OR1I1: variants seen among roughly 807,000 people sequenced by gnomAD.
OR1I1 encodes olfactory receptor 1I1.
For missense variants in OR1I1, 451 were observed against 443.6 expected (o/e 1.02, Z -0.15); for synonymous variants, 171 against 181.4 (o/e 0.94, Z 0.46).
Position 15,087,994 on chromosome 19 carries a change from TC to T in OR1I1, c.933del (p.Cys312ValfsTer37). 3 of 1,614,126 alleles carry T rather than the reference TC, an allele frequency of 1.9e-6. No individual in the cohort carries two copies. The highest frequency in any genetic ancestry group is 2.5e-6 in the Non-Finnish European group (3 of 1,180,002). On this transcript the variant is annotated frameshift_variant, in exon 2 of 2. Coordinates refer to ENST00000641398, the MANE Select transcript of OR1I1 (RefSeq NM_001004713.2). LOFTEE classifies it low-confidence loss of function (END_TRUNC). ...GGGAAGCTCATCGGCAAAGTGGCCG[TC>T]CCCTGTCCTAGGCCAGAACAGTTAT... ...ALGKLIGKVA[V>X]PCPRPEQLLD...
rs117555869 is a variant in OR1I1, at chr19:15,083,244, T to A, written c.-14+968T>A. ...AAGCATGCCACCATGCCCAGCAGAT[T>A]GTTTTATTTTTTGTAGATCCAGGGC... On this transcript the variant is annotated intron_variant, in intron 1 of 1. Transcript: ENST00000641398. 9.5e-4 allele frequency among the ~76,000 whole-genome samples: 144 copies of A among 152,008 alleles called. 5 individuals carry two copies. The East Asian group carries it at 0.023, about 24-fold the overall frequency.
At position 15,092,841 on chromosome 19, in the gene OR1I1, A is replaced by T. The variant is rs1240324109; in HGVS notation, c.*4708A>T. ...TGAGACCTCCCCCATCTCTACAAAA[A>T]TTTTTTAATTAGCTGGGCATGGTGG... On this transcript the variant is annotated 3_prime_UTR_variant, in exon 2 of 2. Coordinates refer to ENST00000641398, the MANE Select transcript of OR1I1 (RefSeq NM_001004713.2). 5 of 151,916 alleles carry T rather than the reference A, an allele frequency of 3.3e-5. No individual in the cohort carries two copies. The highest frequency in any genetic ancestry group is 1.2e-4 in the African/African-American group (5 of 41,356). The allele number at this position is 151,916 out of a possible 1,614,324, so 9.4% of individuals were successfully genotyped here. A position where few individuals can be genotyped will look rare whatever the true frequency, so the allele number is the denominator to read the frequency against.
rs2046263058 is a variant in OR1I1, at chr19:15,092,969, A to T, written c.*4836A>T. 1 of 152,220 alleles carries T rather than the reference A, an allele frequency of 6.6e-6. No individual in the cohort carries two copies. The allele number at this position is 152,220 out of a possible 1,614,324, so 9.4% of individuals were successfully genotyped here. A position where few individuals can be genotyped will look rare whatever the true frequency, so the allele number is the denominator to read the frequency against. ...AGCTATGATTGCACCACCGCACTCC[A>T]GCCTGGGGGATAGAGTAAGACCACT... On this transcript the variant is annotated 3_prime_UTR_variant, in exon 2 of 2. Coordinates refer to ENST00000641398, the MANE Select transcript of OR1I1 (RefSeq NM_001004713.2).
chr19:15,087,608 C>G lies in OR1I1; in HGVS notation c.543C>G (p.Leu181=). Residue 181 remains leucine, a synonymous_variant, in exon 2 of 2, where the codon CTC becomes CTG. Transcript: ENST00000641398. ...GSEISHFFCD[L]MPLLKLSGSD... is the part of the protein sequence containing the mutation. ...AAATCTCCCACTTCTTCTGTGACCTCATGCCCCTGCTGAAGCTCTCCGGCT... is the reference window on the plus strand; with the variant it reads ...AAATCTCCCACTTCTTCTGTGACCTGATGCCCCTGCTGAAGCTCTCCGGCT... 1 of 1,614,100 alleles carries G rather than the reference C, an allele frequency of 6.2e-7. No individual in the cohort carries two copies. Among genetic ancestry groups the G allele is most frequent in the Non-Finnish European group, 8.5e-7 (1 of 1,180,042 alleles).
intron 1 of OR1I1, among the ~76,000 whole-genome samples, chr19:15,083,167 C>T (rs1009252691): frequency 6.6e-6 from 1 of 152,080 alleles, no homozygotes; most frequent in Non-Finnish European, 1.5e-5. Context: ...TCTCTAACTC[C>T]TGGACTCAAG....
intron 1 of OR1I1, among the ~76,000 whole-genome samples, chr19:15,085,460 C>A (rs1436554646): frequency 6.6e-6 from 1 of 151,794 alleles, no homozygotes; most frequent in African/African-American, 2.4e-5. Context: ...GAATGAGCCA[C>A]CACGCCAGGT....
Position 15,087,452 on chromosome 19 carries a change from A to G in OR1I1, c.387A>G (p.Pro129=), listed in dbSNP as rs8105277. 1,613,799 of 1,614,158 alleles carry G rather than the reference A, an allele frequency of 1. 806,720 individuals are homozygous for G. Among genetic ancestry groups the G allele is most frequent in the Middle Eastern group, 1 (6,062 of 6,062 alleles). The change falls in exon 2 of 2, where the codon CCA becomes CCG. Residue 129 remains proline (P), a synonymous_variant. Coordinates refer to ENST00000641398, the MANE Select transcript of OR1I1 (RefSeq NM_001004713.2). ...ACCGCTTCGTGGCCATTGTCCACCC[A>G]CAGCGTTACTTGGTTCTCATGTGCT... The part of the protein sequence containing the change: ...AIDRFVAIVH[P]QRYLVLMCSP...
rs756088113 is a variant in OR1I1 at position 15,087,830 on chromosome 19, C to G, written c.765C>G (p.Ile255Met). 6.2e-6 allele frequency: 10 copies of G among 1,614,204 alleles called. No homozygotes were observed. In the South Asian group the frequency reaches 9.9e-5, roughly 16 times the overall value. Reference protein sequence around the residue: ...LTVVSLSYGTIFAVYLQPTSP... With the variant: ...LTVVSLSYGTMFAVYLQPTSP... The stretch of plus-strand genomic sequence containing the variant: ...TGGTGTCACTGTCCTATGGGACCAT[C>G]TTTGCTGTGTACTTACAGCCCACAT... The change falls in exon 2 of 2, where the codon ATC becomes ATG. Residue 255 changes from isoleucine to methionine, a missense_variant. Ile to Met is a conservative substitution (Grantham distance 10, BLOSUM62 1). Coordinates refer to ENST00000641398, the MANE Select transcript of OR1I1 (RefSeq NM_001004713.2).
chr19:15,086,614 T>C, intron 1 of OR1I1, among the ~76,000 whole-genome samples: 1 of 151,782 alleles, frequency 6.6e-6, no homozygotes, highest in East Asian at 2.0e-4. Flanking sequence ...CCACCACGCC[T>C]GATTAATTTT....
rs934906364 is a variant in OR1I1 at position 15,089,994 on chromosome 19, G to A, written c.*1861G>A. The A allele has an allele frequency of 2.6e-5, 4 of 152,036 alleles. No homozygotes were observed. Among genetic ancestry groups the A allele is most frequent in the African/African-American group, 9.7e-5 (4 of 41,388 alleles). The allele number at this position is 152,036 out of a possible 1,614,324, so 9.4% of individuals were successfully genotyped here. ...AATCTGATACGACTGGCGTCCTTAT[G>A]AAAAGGGGAGATTTGGACACAGGCA... On this transcript the variant is annotated 3_prime_UTR_variant, in exon 2 of 2. Coordinates refer to ENST00000641398, the MANE Select transcript of OR1I1 (RefSeq NM_001004713.2).
In OR1I1 at chr19:15,088,049, G is replaced by A; in HGVS notation, c.984G>A (p.Leu328=). The A allele has an allele frequency of 6.2e-7, 1 of 1,607,398 alleles. No individual in the cohort carries two copies. The highest frequency in any genetic ancestry group is 2.2e-5 in the East Asian group (1 of 44,780). ...LLDVYHVPGS[L]LAARDTEMHP... is the part of the protein sequence containing the mutation. Reference sequence around the variant, plus strand: ...ATGTTTATCATGTTCCAGGATCACTGTTGGCTGCTAGGGACACAGAGATGC... The same window carrying A: ...ATGTTTATCATGTTCCAGGATCACTATTGGCTGCTAGGGACACAGAGATGC... Residue 328 remains leucine (L), a synonymous_variant, in exon 2 of 2, where the codon CTG becomes CTA. Coordinates refer to ENST00000641398, the MANE Select transcript of OR1I1 (RefSeq NM_001004713.2).
chr19:15,087,398 C>T lies in OR1I1; in HGVS notation c.333C>T (p.Asp111=). The change falls in exon 2 of 2, where the codon GAC becomes GAT. Residue 111 remains aspartate, a synonymous_variant. Coordinates refer to ENST00000641398, the MANE Select transcript of OR1I1 (RefSeq NM_001004713.2). ...CCTTCCACCTGTTCGGGACCATGGA[C>T]AGCTTTCTCCTGGCAGTAATGGCCA... ...MYAFHLFGTM[D]SFLLAVMAID... The T allele has an allele frequency of 6.2e-7, 1 of 1,614,214 alleles. No homozygotes were observed. The highest frequency in any genetic ancestry group is 8.5e-7 in the Non-Finnish European group (1 of 1,180,050).
chr19:15,084,558 A>T (rs1054084726), intron 1 of OR1I1, among the ~76,000 whole-genome samples: 14 of 152,040 alleles, frequency 9.2e-5, no homozygotes, highest in Non-Finnish European at 1.9e-4. Context: ...ACTCCATCTC[A>T]AAAAAGAAAA....
At chr19:15,083,527 AT>A (rs1461546469) in intron 1 of OR1I1, among the ~76,000 whole-genome samples, 5 of 152,234 alleles carry the variant, frequency 3.3e-5, no homozygotes, top group African/African-American at 1.2e-4. Context: ...GAATCGCAGT[AT>A]TCTATCCAGC....
At chr19:15,082,654 A>C (rs747071809) in intron 1 of OR1I1, among the ~76,000 whole-genome samples, 1 of 151,708 alleles carries the variant, frequency 6.6e-6, no homozygotes, top group Non-Finnish European at 1.5e-5. Context: ...CAGCTCCCCA[A>C]GTGTGGTCCC....
In OR1I1 at chr19:15,090,907, T is replaced by C. The variant is rs1225899984; in HGVS notation, c.*2774T>C. ...ACTCGGCCTGATTTGTGGTACTTTG[T>C]TGCAACATTGCTAGAAAACAAATGC... On this transcript the variant is annotated 3_prime_UTR_variant, in exon 2 of 2. Transcript: ENST00000641398. The C allele has an allele frequency of 1.3e-5, 2 of 152,216 alleles. No homozygotes were observed. The highest frequency in any genetic ancestry group is 4.8e-5 in the African/African-American group (2 of 41,452). 9.4% of individuals were successfully genotyped at this position (152,216 alleles called of 1,614,324 possible).
In OR1I1 at chr19:15,090,367, A is replaced by C. The variant is rs1044107238; in HGVS notation, c.*2234A>C. 1.3e-5 allele frequency: 2 copies of C among 151,234 alleles called. No homozygotes were observed. Among genetic ancestry groups the C allele is most frequent in the African/African-American group, 4.9e-5 (2 of 41,090 alleles). The allele number at this position is 151,234 out of a possible 1,614,324, so 9.4% of individuals were successfully genotyped here. A position where few individuals can be genotyped will look rare whatever the true frequency, so the allele number is the denominator to read the frequency against. Reference sequence around the variant, plus strand: ...AGGCACCCACCACCACGCCCAGCTAATTTTGTGTTTTTAGTAGAGATGGGA... The same window carrying C: ...AGGCACCCACCACCACGCCCAGCTACTTTTGTGTTTTTAGTAGAGATGGGA... On this transcript the variant is annotated 3_prime_UTR_variant, in exon 2 of 2. Transcript: ENST00000641398.
At chr19:15,084,426 T>C (rs1304886876) in intron 1 of OR1I1, among the ~76,000 whole-genome samples, 2 of 152,054 alleles carry the variant, frequency 1.3e-5, no homozygotes, top group Non-Finnish European at 2.9e-5. Context: ...TGCGTGGTGG[T>C]GCTCGCCTGT....
At chr19:15,085,157 TA>T (rs1568321848) in intron 1 of OR1I1, among the ~76,000 whole-genome samples, 494 of 41,188 alleles carry the variant, frequency 0.012, 35 homozygotes, top group South Asian at 0.039. Flanking sequence ...TATATATATA[TA>T]TATATATATA....
Sources: gnomAD v4.1 joint callset for allele counts (sites outside exome capture counted in the v4.1 genomes callset) on GRCh38, gnomAD v4.1.1 for gene constraint, MANE v1.5 for transcripts, NCBI Gene and HGNC (gene_info 2026-07-23, HGNC 2026-07-21) for gene names.